Variants in FBLN5 observed in about 807,000 individuals in gnomAD.
FBLN5 encodes fibulin 5, also known as fibulin-5.
A neutral mutation model predicts 61.6 loss-of-function variants in FBLN5; 24 were observed. The observed-to-expected ratio is 0.39, with a 90% CI of 0.28 to 0.55. The LOEUF is 0.55. Among genes scored for constraint, FBLN5 ranks in the 20% least tolerant of loss-of-function variants. The pLI, the probability that FBLN5 is intolerant of heterozygous loss-of-function variation, is 0.65. For synonymous variants in FBLN5, 213 were observed against 219.8 expected (o/e 0.97, Z 0.27); for missense variants, 470 against 594.1 (o/e 0.79, Z 2.17).
At chr14:91,911,265 G>T (rs982189498) in intron 4 of FBLN5, among the ~76,000 whole-genome samples, 2 of 152,126 alleles carry the variant, frequency 1.3e-5, no homozygotes, top group African/African-American at 4.8e-5. Context: ...GATTACAGGC[G>T]TGAGCCACCA....
chr14:91,946,581 C>T, intron 1 of FBLN5: 1 of 737,144 alleles, frequency 1.4e-6, no homozygotes, highest in Non-Finnish European at 2.3e-6. Flanking sequence ...TTAATTTGTT[C>T]AAAGCAGTAT....
In FBLN5 at chr14:91,877,692, G is replaced by A. The variant is rs574052823; in HGVS notation, c.990-10C>T. On this transcript the variant is annotated splice_polypyrimidine_tract_variant and intron_variant, in intron 9 of 10. Transcript: ENST00000342058. Reference sequence around the variant, plus strand: ...AGGACACATACAGCGGCTGTGGAAAGGGAAATCACGTGAGAACTCAAGAAA... The same window carrying A: ...AGGACACATACAGCGGCTGTGGAAAAGGAAATCACGTGAGAACTCAAGAAA... The A allele has an allele frequency of 1.2e-6, 2 of 1,611,524 alleles. No homozygotes were observed. Among genetic ancestry groups the A allele is most frequent in the East Asian group, 2.2e-5 (1 of 44,876 alleles).
intron 4 of FBLN5, among the ~76,000 whole-genome samples, chr14:91,903,037 C>G (rs910662297): frequency 6.6e-6 from 1 of 152,052 alleles, no homozygotes; most frequent in East Asian, 1.9e-4. Context: ...ACACAAAATA[C>G]CTAGGCAACA....
rs1399363483 is a variant in FBLN5, at chr14:91,887,203, A to C, written c.729T>G (p.Val243=). 4 of 1,614,000 alleles carry C rather than the reference A, an allele frequency of 2.5e-6. No homozygotes were observed. Among genetic ancestry groups the C allele is most frequent in the Admixed American group, 1.7e-5 (1 of 60,004 alleles). ...GCGAAAGCCCATTACCACTGCAATG[A>C]ACGCCATCTTCCTCAAGTTCATATC... ...DPGYELEEDG[V]HCSDMDECSF... Residue 243 remains valine (V), a synonymous_variant, in exon 7 of 11, where the codon GTT becomes GTG. Coordinates refer to ENST00000342058, the MANE Select transcript of FBLN5 (RefSeq NM_006329.4).
At position 91,919,346 on chromosome 14, in the gene FBLN5, A is replaced by AAAAAGAAAAG. The variant is rs1224425076; in HGVS notation, c.379+17591_379+17600dup. Among the ~76,000 whole-genome samples, 119 of 85,416 alleles carry AAAAAGAAAAG rather than the reference A, an allele frequency of 1.4e-3. 1 individual carries two copies. Among genetic ancestry groups the AAAAAGAAAAG allele is most frequent in the African/African-American group, 4.7e-3 (111 of 23,540 alleles). 56.0% of individuals were successfully genotyped at this position (85,416 alleles called of 152,430 possible). A position where few individuals can be genotyped will look rare whatever the true frequency, so the allele number is the denominator to read the frequency against. On this transcript the variant is annotated intron_variant, in intron 4 of 10. Transcript: ENST00000342058. ...ACTCTGTCTCAAAAAAAAGAAAAAAAAAAAGAAAAGAAAAGAAAAGAAAAG... is the reference window on the plus strand; with the variant it reads ...ACTCTGTCTCAAAAAAAAGAAAAAAAAAAAGAAAAGAAAAGAAAAGAAAAGAAAAGAAAAG...
chr14:91,881,331 G>C lies in FBLN5; in HGVS notation c.950C>G (p.Pro317Arg). 1 of 1,614,122 alleles carries C rather than the reference G, an allele frequency of 6.2e-7. No homozygotes were observed. Among genetic ancestry groups the C allele is most frequent in the Non-Finnish European group, 8.5e-7 (1 of 1,179,990 alleles). ...NLQGGFKCIDPIRCEEPYLRI... is the reference protein window; with the variant it reads ...NLQGGFKCIDRIRCEEPYLRI... ...CAGATAAGGCTCCTCACAGCGGATG[G>C]GGTCAATGCATTTGAAGCCCCCTTG... The change falls in exon 9 of 11, where the codon CCC becomes CGC. Residue 317 changes from proline (P) to arginine (R), a missense_variant. Coordinates refer to ENST00000342058, the MANE Select transcript of FBLN5 (RefSeq NM_006329.4).
Position 91,887,188 on chromosome 14 carries a change from A to G in FBLN5, c.739+5T>C, listed in dbSNP as rs1167735035. 1.2e-6 allele frequency: 2 copies of G among 1,613,750 alleles called. No homozygotes were observed. Among genetic ancestry groups the G allele is most frequent in the African/African-American group, 1.3e-5 (1 of 74,836 alleles). On this transcript the variant is annotated splice_donor_5th_base_variant and intron_variant, in intron 7 of 10. Transcript: ENST00000342058. ...GTGGAAGTTTCCAATGCGAAAGCCC[A>G]TTACCACTGCAATGAACGCCATCTT...
intron 6 of FBLN5, among the ~76,000 whole-genome samples, chr14:91,889,326 G>A (rs776567641): frequency 3.9e-5 from 6 of 152,196 alleles, no homozygotes; most frequent in African/African-American, 7.2e-5. Flanking sequence ...CCCCCTCACC[G>A]CTCTCAGCTG....
intron 4 of FBLN5, among the ~76,000 whole-genome samples, chr14:91,911,002 A>G (rs1199731596): frequency 8.0e-6 from 1 of 124,734 alleles, no homozygotes; most frequent in South Asian, 2.5e-4. Flanking sequence ...TTTTTTTTTT[A>G]ATACAGAGTC....
chr14:91,889,775 A>G (rs555949190), intron 6 of FBLN5, among the ~76,000 whole-genome samples: 1 of 152,330 alleles, frequency 6.6e-6, no homozygotes, highest in African/African-American at 2.4e-5. Flanking sequence ...CTGAGTGCCC[A>G]TACCCAGGCC....
At chr14:91,940,692 T>C in intron 2 of FBLN5, 76 bp from the exon 3 acceptor site, 2 of 1,331,086 alleles carry the variant, frequency 1.5e-6, no homozygotes, top group Non-Finnish European at 2.2e-6. Flanking sequence ...ACACAGAAAG[T>C]TGGGGAAATG....
intron 4 of FBLN5, among the ~76,000 whole-genome samples, chr14:91,923,135 T>C (rs1173066158): frequency 6.6e-6 from 1 of 152,124 alleles, no homozygotes; most frequent in African/African-American, 2.4e-5. Flanking sequence ...GCCTCACAGA[T>C]AATGGCCCAG....
At chr14:91,920,444 G>T (rs767099805) in intron 4 of FBLN5, among the ~76,000 whole-genome samples, 4 of 152,172 alleles carry the variant, frequency 2.6e-5, no homozygotes, top group Non-Finnish European at 4.4e-5. Flanking sequence ...GAAGTGACTT[G>T]CTCAAGGTCA....
chr14:91,947,394 G>C lies in FBLN5; in HGVS notation c.-165C>G. ...TGGAGAGGACACGGGGAGAGCGCCG[G>C]GGTCCTCCCAGCCACTGCAGAGCCC... is the stretch of plus-strand genomic sequence containing the variant. On this transcript the variant is annotated 5_prime_UTR_variant, in exon 1 of 11. Transcript: ENST00000342058. This position sits in a 1 kb window ranked among gnomAD's most constrained non-coding sequence, Gnocchi z 4.3. The C allele has an allele frequency of 1.3e-6, 1 of 769,190 alleles. No individual in the cohort carries two copies. Among genetic ancestry groups the C allele is most frequent in the African/African-American group, 1.7e-5 (1 of 57,922 alleles). The allele number at this position is 769,190 out of a possible 1,614,324, so 47.6% of individuals were successfully genotyped here.
chr14:91,919,187 T>C (rs2055681374), intron 4 of FBLN5, among the ~76,000 whole-genome samples: 1 of 151,620 alleles, frequency 6.6e-6, no homozygotes, highest in Non-Finnish European at 1.5e-5. Flanking sequence ...AAAAATTAGC[T>C]GGGCATGGTG....
chr14:91,907,672 C>T (rs977591093), intron 4 of FBLN5, among the ~76,000 whole-genome samples: 2 of 151,046 alleles, frequency 1.3e-5, no homozygotes, highest in African/African-American at 2.4e-5. Context: ...CAAAAGAGAA[C>T]GAGGAGGATA....
intron 4 of FBLN5, among the ~76,000 whole-genome samples, chr14:91,905,730 C>T (rs1338061694): frequency 1.3e-5 from 2 of 151,920 alleles, no homozygotes; most frequent in East Asian, 1.9e-4. Context: ...CAGGCACATG[C>T]CGCCATGCCC....
At chr14:91,885,136 A>C (rs1486627064) in intron 7 of FBLN5, among the ~76,000 whole-genome samples, 1 of 152,224 alleles carries the variant, frequency 6.6e-6, no homozygotes, top group Non-Finnish European at 1.5e-5. Context: ...AGGAAGGTGC[A>C]GAAACAGACT....
At chr14:91,918,582 C>CAAGGAAGG (rs1220358298) in intron 4 of FBLN5, among the ~76,000 whole-genome samples, 1 of 152,192 alleles carries the variant, frequency 6.6e-6, no homozygotes, top group Non-Finnish European at 1.5e-5. Context: ...TGGGGCCAAA[C>CAAGGAAGG]AAGGATGGAA....
Sources: gnomAD v4.1 joint callset for allele counts (sites outside exome capture counted in the v4.1 genomes callset) on GRCh38, gnomAD v4.1.1 for gene constraint, Gnocchi (gnomAD v3.1) non-coding constraint, MANE v1.5 for transcripts, NCBI Gene and HGNC (gene_info 2026-07-23, HGNC 2026-07-21) for gene names.